The following GALNT14 variants were observed in gnomAD, a reference collection of about 807,000 sequenced individuals.
GALNT14 encodes UDP-GalNAc:polypeptide N-acetylgalactosaminyltransferase 14.
In GALNT14, 60 loss-of-function variants were observed where a neutral mutation model predicts 77.5. The observed-to-expected ratio is 0.77, with a 90% CI of 0.63 to 0.96. GALNT14 has a LOEUF of 0.96. Ranked by LOEUF, GALNT14 falls within the 40% of genes least tolerant of loss-of-function variation. The probability of loss-of-function intolerance (pLI) is 0.00; values close to 1 mark genes in which losing one functional copy is unlikely to be tolerated. For synonymous variants in GALNT14, 280 were observed against 281.7 expected (o/e 0.99, Z 0.06); for missense variants, 710 against 731.0 (o/e 0.97, Z 0.33).
At chr2:31,020,630 C>T (rs1253423252) in intron 1 of GALNT14, among the ~76,000 whole-genome samples, 1 of 152,176 alleles carries the variant, frequency 6.6e-6, no homozygotes, top group East Asian at 1.9e-4. Flanking sequence ...GGAATGGCCT[C>T]CCCAAGCCCA....
At chr2:31,064,069 C>T (rs1674781570) in intron 1 of GALNT14, among the ~76,000 whole-genome samples, 1 of 152,142 alleles carries the variant, frequency 6.6e-6, no homozygotes, top group Admixed American at 6.5e-5. Context: ...GACAGCAAGG[C>T]TCATGTTTGG....
intron 2 of GALNT14, among the ~76,000 whole-genome samples, chr2:30,990,584 G>A (rs4952019): frequency 0.31 from 47,643 of 152,166 alleles, 8,062 homozygotes; most frequent in African/African-American, 0.43. Context: ...CACCAGTATG[G>A]TGACTAAACT....
At chr2:30,908,340 G>T (rs1473430031), downstream of GALNT14, among the ~76,000 whole-genome samples, 3 of 152,058 alleles carry the variant, frequency 2.0e-5, no homozygotes, top group African/African-American at 7.2e-5. Context: ...ATCTTAAGCT[G>T]ATAAGCAACT....
intron 1 of GALNT14, chr2:31,125,050 C>A: frequency 1.3e-6 from 1 of 764,604 alleles, no homozygotes; most frequent in South Asian, 1.6e-5. Context: ...TCCTGGGGTG[C>A]GCCCAGGAGC....
intron 1 of GALNT14, among the ~76,000 whole-genome samples, chr2:31,100,302 T>C (rs1677201602): frequency 6.6e-6 from 1 of 152,074 alleles, no homozygotes; most frequent in Non-Finnish European, 1.5e-5. Flanking sequence ...TTACATGTCA[T>C]TTTGCTTAAA....
At chr2:31,076,576 C>G (rs1360065145) in intron 1 of GALNT14, among the ~76,000 whole-genome samples, 1 of 150,658 alleles carries the variant, frequency 6.6e-6, no homozygotes, top group Non-Finnish European at 1.5e-5. Context: ...ATTCCTATTG[C>G]AAACGCAAAA....
At chr2:31,065,972 T>C (rs1313136178) in intron 1 of GALNT14, among the ~76,000 whole-genome samples, 2 of 152,134 alleles carry the variant, frequency 1.3e-5, no homozygotes, top group Non-Finnish European at 2.9e-5. Flanking sequence ...CGAGTCAGGA[T>C]TCCAATCCCC....
At chr2:30,901,594 ATATG>A in the GALNT14 span, among the ~76,000 whole-genome samples, 3 of 151,794 alleles carry the variant, frequency 2.0e-5, no homozygotes, top group Admixed American at 6.6e-5. Context: ...GAGTATATAT[ATATG>A]TGTGTGTATA....
intron 1 of GALNT14, among the ~76,000 whole-genome samples, chr2:31,059,249 GA>G (rs1485022112): frequency 6.6e-6 from 1 of 151,996 alleles, no homozygotes; most frequent in South Asian, 2.1e-4. Context: ...TGTCATTAAT[GA>G]AAAAACAGTA....
intron 1 of GALNT14, among the ~76,000 whole-genome samples, chr2:31,071,400 C>T (rs1160266497): frequency 6.6e-6 from 1 of 152,140 alleles, no homozygotes; most frequent in African/African-American, 2.4e-5. Flanking sequence ...TAATGGAGAG[C>T]CAGTGACTTT....
intron 1 of GALNT14, among the ~76,000 whole-genome samples, chr2:31,037,675 C>A (rs376161431): frequency 6.6e-6 from 1 of 152,058 alleles, no homozygotes; most frequent in Non-Finnish European, 1.5e-5. Flanking sequence ...GTGGTTGCTG[C>A]TGATGCTACT....
At chr2:30,892,538 A>G in the GALNT14 span, among the ~76,000 whole-genome samples, 1 of 152,240 alleles carries the variant, frequency 6.6e-6, no homozygotes, top group Non-Finnish European at 1.5e-5. Context: ...GTCTCAGGAG[A>G]ATAGCACTGA....
chr2:31,081,615 T>A (rs960741646), intron 1 of GALNT14, among the ~76,000 whole-genome samples: 1 of 152,216 alleles, frequency 6.6e-6, no homozygotes. Flanking sequence ...TTATACACAT[T>A]TGTTTGATTA....
At chr2:31,015,614 A>G (rs1671304224) in intron 1 of GALNT14, among the ~76,000 whole-genome samples, 1 of 152,246 alleles carries the variant, frequency 6.6e-6, no homozygotes, top group South Asian at 2.1e-4. Flanking sequence ...CCAAGCAATC[A>G]AGATTAACAT....
At chr2:30,911,093 G>A (rs749365568) in intron 14 of GALNT14, 34 bp from the exon 15 acceptor site, 5 of 1,602,234 alleles carry the variant, frequency 3.1e-6, no homozygotes, top group Admixed American at 1.7e-5. Context: ...AATGAACTAG[G>A]TGCCATCAGT....
the GALNT14 span, among the ~76,000 whole-genome samples, chr2:30,890,344 C>T: frequency 6.6e-6 from 1 of 152,162 alleles, no homozygotes; most frequent in Non-Finnish European, 1.5e-5. Flanking sequence ...GACTGAGCTG[C>T]TAGTCTTCCT....
intron 1 of GALNT14, among the ~76,000 whole-genome samples, chr2:31,094,571 T>C (rs891966574): frequency 4.2e-4 from 64 of 152,224 alleles, no homozygotes; most frequent in African/African-American, 1.5e-3. Flanking sequence ...AGCAATAGGA[T>C]AGCCTTGGGC....
At chr2:30,889,804 G>A in the GALNT14 span, among the ~76,000 whole-genome samples, 3,103 of 152,292 alleles carry the variant, frequency 0.02, 132 homozygotes, top group African/African-American at 0.071. Context: ...GGCAAATACT[G>A]TGGAGTCTGA....
rs1025741653 is a variant in GALNT14 at position 31,079,152 on chromosome 2, A to T, written c.129+58806T>A. ...TTGGGACACCAGCTTGTTTGAACCC[A>T]GTGCTATTGCCCAGGCTCCACATCA... On this transcript the variant is annotated intron_variant, in intron 1 of 14. Transcript: ENST00000349752. The T allele has an allele frequency of 4.5e-6, 4 of 881,984 alleles. No homozygotes were observed. The African/African-American group carries it at 7.1e-5, about 16-fold the overall frequency. The allele number at this position is 881,984 out of a possible 1,614,324, so 54.6% of individuals were successfully genotyped here.
Sources: allele counts gnomAD v4.1 joint callset (sites outside exome capture counted in the v4.1 genomes callset), GRCh38; gene constraint gnomAD v4.1.1; transcripts MANE v1.5; gene names NCBI Gene and HGNC (gene_info 2026-07-23, HGNC 2026-07-21).